The following GAS2L1 variants were observed in gnomAD, a reference collection of about 807,000 sequenced individuals.
GAS2L1 encodes growth arrest specific 2 like 1, also known as GAS2-like protein 1.
Under a neutral mutation model 44.0 loss-of-function variants are expected in GAS2L1, and 26 were observed. The ratio of observed to expected loss-of-function variants is 0.59; its 90% CI spans 0.43 to 0.82. The LOEUF (loss-of-function observed/expected upper bound fraction) is 0.82, where lower values mean the gene tolerates loss of function less well. Ranked by LOEUF, GAS2L1 falls within the 40% of genes least tolerant of loss-of-function variation. GAS2L1 has a pLI of 0.00. For synonymous variants in GAS2L1, 426 were observed against 415.9 expected, an observed-to-expected ratio of 1.02 and a Z score of -0.30; for missense variants, 1,006 against 983.0, an observed-to-expected ratio of 1.02 and a Z score of -0.31.
At chr22:29,308,261 C>T in exon 1 of GAS2L1, 1 of 1,608,938 alleles carries the variant, frequency 6.2e-7, no homozygotes, top group Non-Finnish European at 8.5e-7. Context: ...GCGATGGCTT[C>T]CTGACAGGGC....
chr22:29,310,984 C>T (rs752215253), exon 4 of GAS2L1: 4 of 1,612,390 alleles, frequency 2.5e-6, no homozygotes, highest in East Asian at 2.2e-5. Flanking sequence ...AGGAGGGGCC[C>T]GAGACCCCAC....
Position 29,310,559 on chromosome 22 carries a change from G to C in GAS2L1, c.741+13G>C. 6.3e-7 allele frequency: 1 copy of C among 1,590,640 alleles called. No individual in the cohort carries two copies. The highest frequency in any genetic ancestry group is 1.1e-5 in the South Asian group (1 of 90,604). ...CATCTTTGTGCGGGTAAGGGCCTGG[G>C]GCCGCCCCAGCGGGCAGCAGCCAAG... On this transcript the variant is annotated intron_variant, in intron 2 of 4. Transcript: ENST00000618518.
exon 1 of GAS2L1, chr22:29,307,806 GC>G: frequency 3.7e-6 from 1 of 268,184 alleles, no homozygotes; most frequent in East Asian, 6.3e-5. Context: ...TGAGAGGGAG[GC>G]CCCAGCCAAG....
chr22:29,310,661 G>A (rs1158509164), exon 3 of GAS2L1: 1 of 1,607,086 alleles, frequency 6.2e-7, no homozygotes, highest in South Asian at 1.1e-5. Context: ...ACGTGATGGT[G>A]CGAGTGGGTG....
At chr22:29,312,132 T>TGTTCCTCCA in exon 5 of GAS2L1, 1 of 1,612,866 alleles carries the variant, frequency 6.2e-7, no homozygotes, top group South Asian at 1.1e-5. Flanking sequence ...CTCTGCCTAT[T>TGTTCCTCCA]GTTCCTCCAG....
At chr22:29,308,224 T>C (rs752165173) in exon 1 of GAS2L1, 2 of 1,609,278 alleles carry the variant, frequency 1.2e-6, no homozygotes, top group African/African-American at 1.3e-5. Flanking sequence ...CTCAATGCCT[T>C]GTACGGCCTG....
At chr22:29,311,698 G>T in exon 5 of GAS2L1, 1 of 1,525,812 alleles carries the variant, frequency 6.6e-7, no homozygotes, top group Non-Finnish European at 8.8e-7. Flanking sequence ...CGGCCCCGGG[G>T]GGCCCCAGGA....
In GAS2L1 at chr22:29,312,445, G is replaced by C. The variant is rs1479505839; in HGVS notation, c.1994G>C (p.Trp665Ser). 6 of 1,531,590 alleles carry C rather than the reference G, an allele frequency of 3.9e-6. No homozygotes were observed. In the Admixed American group the frequency reaches 6.1e-5, roughly 16 times the overall value. The allele number at this position is 1,531,590 out of a possible 1,614,324, so 94.9% of individuals were successfully genotyped here. The stretch of plus-strand genomic sequence containing the variant: ...TCCGGACCCGCAGAGCTGGGGACAT[G>C]GCATGCCCTGCACTCAGTCACCCCG... The change falls in exon 5 of 5, where the codon TGG becomes TCG. Residue 665 changes from tryptophan (W) to serine (S), a missense_variant. Physicochemically the swap from Trp to Ser is radical, Grantham distance 177 (BLOSUM62 -3). Transcript: ENST00000618518.
At chr22:29,311,027 G>A (rs1401441645) in intron 4 of GAS2L1, 29 bp downstream of exon 5, 1 of 1,591,630 alleles carries the variant, frequency 6.3e-7, no homozygotes, top group Non-Finnish European at 8.6e-7. Context: ...AGGAGTGAGG[G>A]GTCCAGAGGG....
intron 1 of GAS2L1, among the ~76,000 whole-genome samples, chr22:29,309,227 G>A (rs1308861217): frequency 6.6e-6 from 1 of 152,180 alleles, no homozygotes; most frequent in Admixed American, 6.5e-5. Context: ...AGGGGGCTCT[G>A]CAGGTCTCCC....
At chr22:29,312,326 T>C in exon 5 of GAS2L1, 1 of 1,606,288 alleles carries the variant, frequency 6.2e-7, no homozygotes, top group East Asian at 2.2e-5. Flanking sequence ...TGGCTTGCAC[T>C]GAACCCTCGA....
chr22:29,310,857 C>G (rs2061396447), exon 4 of GAS2L1: 8 of 1,612,554 alleles, frequency 5.0e-6, no homozygotes, highest in Non-Finnish European at 6.8e-6. Context: ...AGGGTCTGCA[C>G]CTTTTCTCCA....
chr22:29,307,040 G>A (rs2061355769), upstream of GAS2L1: 1 of 151,668 alleles, frequency 6.6e-6, no homozygotes, highest in Non-Finnish European at 1.5e-5. Context: ...GCGAGGAGGA[G>A]GCCGCGGCGC....
At chr22:29,310,481 C>T in exon 2 of GAS2L1, 3 of 1,612,484 alleles carry the variant, frequency 1.9e-6, no homozygotes, top group Non-Finnish European at 1.7e-6. Context: ...TGACCAGTTT[C>T]CCATGATCAA....
rs768483405 is a variant in GAS2L1, at chr22:29,312,081, G to C, written c.1630G>C (p.Ala544Pro). 4.3e-6 allele frequency: 7 copies of C among 1,612,856 alleles called. No homozygotes were observed. In the East Asian group the frequency reaches 1.3e-4, roughly 31 times the overall value. ...TGCTAGCGTGACCCCCACTGGACCAGCCCCTGACCCAGCTCGGGCCCCCGA... is the reference window on the plus strand; with the variant it reads ...TGCTAGCGTGACCCCCACTGGACCACCCCCTGACCCAGCTCGGGCCCCCGA... Residue 544 changes from alanine to proline, a missense_variant, in exon 5 of 5, where the codon GCC becomes CCC. Physicochemically the swap from Ala to Pro is conservative, Grantham distance 27. Coordinates refer to ENST00000618518, the Ensembl canonical transcript of GAS2L1.
chr22:29,311,848 G>A lies in GAS2L1; in HGVS notation c.1397G>A (p.Gly466Asp), dbSNP rs112200443. 1.8e-3 allele frequency: 2,838 copies of A among 1,593,620 alleles called. 47 individuals are homozygous for A. In the African/African-American group the frequency reaches 0.032, roughly 18 times the overall value. The change falls in exon 5 of 5, where the codon GGC (glycine) becomes GAC (aspartate). Residue 466 changes from glycine (G) to aspartate (D), a missense_variant. By Grantham distance (94) the Gly-to-Asp change is moderately conservative. Coordinates refer to ENST00000618518, the Ensembl canonical transcript of GAS2L1. ...GTGCCAAGGGGCAGGGGCAGTGGGGGCTCGGGCAGGAGCACCCCCCAGACT... is the reference window on the plus strand; with the variant it reads ...GTGCCAAGGGGCAGGGGCAGTGGGGACTCGGGCAGGAGCACCCCCCAGACT...
At chr22:29,312,085 C>G in exon 5 of GAS2L1, 1 of 1,612,934 alleles carries the variant, frequency 6.2e-7, no homozygotes, top group Non-Finnish European at 8.5e-7. Context: ...GGACCAGCCC[C>G]TGACCCAGCT....
At chr22:29,311,362 C>G in intron 4 of GAS2L1, 100 bp from the exon 6 acceptor site, 1 of 607,016 alleles carries the variant, frequency 1.6e-6, no homozygotes, top group Non-Finnish European at 2.9e-6. Context: ...CCTGACAGCC[C>G]CGTCCACCAG....
exon 5 of GAS2L1, chr22:29,312,540 T>C (rs1261614170): frequency 3.6e-6 from 5 of 1,404,554 alleles, no homozygotes; most frequent in South Asian, 3.1e-5. Context: ...CTTCTCCTTT[T>C]CCTTTGTGGC....
Sources: allele counts gnomAD v4.1 joint callset (sites outside exome capture counted in the v4.1 genomes callset), GRCh38; gene constraint gnomAD v4.1.1; transcripts MANE v1.5; gene names NCBI Gene and HGNC (gene_info 2026-07-23, HGNC 2026-07-21).